The following VPS13A variants were observed in gnomAD, a reference collection of about 807,000 sequenced individuals.
VPS13A encodes the protein vacuolar protein sorting 13 homolog A.
A neutral mutation model predicts 390.9 loss-of-function variants in VPS13A; 264 were observed. The observed-to-expected ratio is 0.68, with a 90% CI of 0.61 to 0.75. The LOEUF is 0.75. VPS13A is among the 30% of genes least tolerant of loss of function. The pLI is 0.00. For missense variants in VPS13A, 3,409 were observed against 3,733.9 expected (o/e 0.91, Z 2.27); for synonymous variants, 1,231 against 1,227.1 (o/e 1.00, Z -0.07).
intron 32 of VPS13A, among the ~76,000 whole-genome samples, chr9:77,293,730 A>G (rs1390386036): frequency 5.3e-5 from 8 of 151,902 alleles, no homozygotes; most frequent in Admixed American, 1.3e-4. Flanking sequence ...TATTTCATAT[A>G]GTAACATTAA....
intron 45 of VPS13A, among the ~76,000 whole-genome samples, chr9:77,327,922 T>G (rs1830095410): frequency 6.6e-6 from 1 of 152,196 alleles, no homozygotes; most frequent in South Asian, 2.1e-4. Flanking sequence ...ACAAATGTTA[T>G]TAATGGCGTC....
chr9:77,353,006 A>G (rs1831556241), intron 53 of VPS13A, among the ~76,000 whole-genome samples: 1 of 152,100 alleles, frequency 6.6e-6, no homozygotes, highest in Non-Finnish European at 1.5e-5. Context: ...GATATTTTTT[A>G]TCCTGTTTGA....
chr9:77,227,518 ATATT>A (rs760455543), intron 16 of VPS13A, 33 bp downstream of exon 16: 47 of 1,461,446 alleles, frequency 3.2e-5, no homozygotes, highest in Non-Finnish European at 3.9e-5. Context: ...ACCTTAGAAT[ATATT>A]TATTTATTTA....
intron 44 of VPS13A, 102 bp downstream of exon 44, chr9:77,321,848 T>A: frequency 5.0e-6 from 7 of 1,402,466 alleles, no homozygotes; most frequent in Non-Finnish European, 6.8e-6. Flanking sequence ...TTTTTTTTGT[T>A]TTTGTTTTTG....
intron 1 of VPS13A, among the ~76,000 whole-genome samples, chr9:77,191,715 A>G (rs1824698390): frequency 6.6e-6 from 1 of 152,084 alleles, no homozygotes; most frequent in Non-Finnish European, 1.5e-5. Flanking sequence ...TGGTATTGTT[A>G]CCTATTTTTA....
At chr9:77,299,963 ATAAT>A (rs1157457670) in intron 33 of VPS13A, among the ~76,000 whole-genome samples, 1 of 152,140 alleles carries the variant, frequency 6.6e-6, no homozygotes, top group Non-Finnish European at 1.5e-5. Context: ...ATTAGGACAA[ATAAT>A]TAATGTATGT....
Position 77,205,309 on chromosome 9 carries a change from G to T in VPS13A, c.188-4G>T. 1.4e-6 allele frequency: 2 copies of T among 1,440,940 alleles called. No homozygotes were observed. The highest frequency in any genetic ancestry group is 1.4e-5 in the African/African-American group (1 of 69,428). 89.3% of individuals were successfully genotyped at this position (1,440,940 alleles called of 1,614,324 possible). ...TCCTTTTTTTTTTTCCCAAAAAAATGTAGGTAATCTTAAACTTATAATTCC... is the reference window on the plus strand; with the variant it reads ...TCCTTTTTTTTTTTCCCAAAAAAATTTAGGTAATCTTAAACTTATAATTCC... On this transcript the variant is annotated splice_polypyrimidine_tract_variant and splice_region_variant and intron_variant, in intron 3 of 71. Coordinates refer to ENST00000360280, the MANE Select transcript of VPS13A (RefSeq NM_033305.3).
chr9:77,367,264 A>G (rs1241623947), intron 61 of VPS13A, among the ~76,000 whole-genome samples: 1 of 152,192 alleles, frequency 6.6e-6, no homozygotes, highest in Admixed American at 6.5e-5. Flanking sequence ...TAATAGGGGA[A>G]ATGAAAGGAT....
At chr9:77,399,258 C>T (rs1308398504) in intron 68 of VPS13A, among the ~76,000 whole-genome samples, 9 of 146,392 alleles carry the variant, frequency 6.1e-5, no homozygotes, top group African/African-American at 2.0e-4. Flanking sequence ...CCATAAAGCT[C>T]ATTCATCTAT....
At chr9:77,354,927 C>A (rs981092966) in intron 54 of VPS13A, among the ~76,000 whole-genome samples, 1 of 152,158 alleles carries the variant, frequency 6.6e-6, no homozygotes, top group Non-Finnish European at 1.5e-5. Context: ...TACTTTTGCA[C>A]TGTACTTCAT....
At chr9:77,203,609 AC>A (rs537947405) in intron 3 of VPS13A, among the ~76,000 whole-genome samples, 43 of 152,298 alleles carry the variant, frequency 2.8e-4, no homozygotes, top group Admixed American at 2.0e-3. Context: ...TTTTAAAAAA[AC>A]ATTTGTGGTG....
At chr9:77,407,464 T>C in intron 70 of VPS13A, 69 bp from the exon 71 acceptor site, 1 of 1,304,992 alleles carries the variant, frequency 7.7e-7, no homozygotes, top group East Asian at 2.3e-5. Context: ...AATAAAGCTT[T>C]GTGGCATTTC....
chr9:77,201,484 G>A (rs990160798), intron 3 of VPS13A, 77 bp downstream of exon 3: 198 of 1,191,002 alleles, frequency 1.7e-4, no homozygotes, highest in Non-Finnish European at 2.1e-4. Context: ...TATCTATTAT[G>A]TGATATTTTT....
At chr9:77,305,128 C>T (rs893633119) in intron 34 of VPS13A, among the ~76,000 whole-genome samples, 9 of 151,892 alleles carry the variant, frequency 5.9e-5, no homozygotes, top group South Asian at 4.2e-4. Flanking sequence ...GTAGTAGAGA[C>T]GGGATTTCAC....
intron 17 of VPS13A, among the ~76,000 whole-genome samples, chr9:77,235,091 C>T (rs1288664034): frequency 6.6e-6 from 1 of 152,130 alleles, no homozygotes; most frequent in South Asian, 2.1e-4. Flanking sequence ...ACCAAAAATG[C>T]AATATTACTG....
chr9:77,387,713 A>G (rs1029033239), intron 68 of VPS13A, among the ~76,000 whole-genome samples: 2 of 152,174 alleles, frequency 1.3e-5, no homozygotes, highest in African/African-American at 4.8e-5. Flanking sequence ...AAGGAAGTCA[A>G]ATTTTGTTTC....
chr9:77,280,068 T>C, intron 26 of VPS13A, 91 bp from the exon 27 acceptor site: 2 of 979,936 alleles, frequency 2.0e-6, no homozygotes, highest in South Asian at 1.4e-5. Context: ...AGGAAAGCCT[T>C]CTTTTGCAAT....
intron 33 of VPS13A, among the ~76,000 whole-genome samples, chr9:77,298,782 C>G (rs1000923127): frequency 6.6e-6 from 1 of 152,126 alleles, no homozygotes; most frequent in Non-Finnish European, 1.5e-5. Flanking sequence ...ATAATTGAAT[C>G]ATGAGGGTGG....
intron 52 of VPS13A, among the ~76,000 whole-genome samples, chr9:77,346,870 A>T (rs1407678027): frequency 6.6e-6 from 1 of 152,246 alleles, no homozygotes; most frequent in Non-Finnish European, 1.5e-5. Flanking sequence ...TCTGTAAACC[A>T]TTAAGTCAAC....
Sources: allele counts gnomAD v4.1 joint callset (sites outside exome capture counted in the v4.1 genomes callset), GRCh38; gene constraint gnomAD v4.1.1; transcripts MANE v1.5; gene names NCBI Gene and HGNC (gene_info 2026-07-23, HGNC 2026-07-21).